Variants in SDK1 observed in about 807,000 individuals in gnomAD.
SDK1 encodes the protein protein sidekick-1.
Under a neutral mutation model 245.5 loss-of-function variants are expected in SDK1, and 157 were observed. That is an observed-to-expected ratio of 0.64 (90% CI 0.56 to 0.73). SDK1 has a LOEUF of 0.73. Ranked by LOEUF, SDK1 falls within the 30% of genes least tolerant of loss-of-function variation. The probability of loss-of-function intolerance (pLI) is 0.00; values close to 1 mark genes in which losing one functional copy is unlikely to be tolerated. For synonymous variants in SDK1, 1,647 were observed against 1,278.5 expected, an observed-to-expected ratio of 1.29 and a Z score of -6.15; for missense variants, 3,583 against 3,002.3, an observed-to-expected ratio of 1.19 and a Z score of -4.52.
intron 28 of SDK1, among the ~76,000 whole-genome samples, chr7:4,145,393 G>A (rs925286892): frequency 2.6e-5 from 4 of 152,146 alleles, no homozygotes; most frequent in African/African-American, 9.7e-5. Context: ...GGCAGAGACT[G>A]AGAAGCCACA....
chr7:4,161,099 C>A (rs1003418601), intron 31 of SDK1, among the ~76,000 whole-genome samples: 76 of 152,062 alleles, frequency 5.0e-4, no homozygotes, highest in African/African-American at 1.7e-3. Flanking sequence ...CAAGACAGGA[C>A]CACACAGATT....
At chr7:3,304,466 C>T (rs1030295934) in intron 1 of SDK1, among the ~76,000 whole-genome samples, 1 of 152,202 alleles carries the variant, frequency 6.6e-6, no homozygotes, top group Non-Finnish European at 1.5e-5. Flanking sequence ...CTGATTCTGG[C>T]AGTGTTCAGT....
intron 5 of SDK1, among the ~76,000 whole-genome samples, chr7:3,897,082 G>A (rs1002523880): frequency 9.2e-5 from 14 of 152,124 alleles, no homozygotes; most frequent in African/African-American, 3.1e-4. Context: ...CATGAAAGCA[G>A]CAAGAGGGAA....
intron 22 of SDK1, among the ~76,000 whole-genome samples, chr7:4,083,561 CCTTCCTTTTTG>C (rs1781208233): frequency 8.4e-6 from 1 of 119,390 alleles, no homozygotes; most frequent in Non-Finnish European, 1.7e-5. Flanking sequence ...TCCCTCCCTT[CCTTCCTTTTTG>C]CCTCCCTCCT....
chr7:3,540,284 G>T (rs556532342), intron 1 of SDK1, among the ~76,000 whole-genome samples: 1 of 152,238 alleles, frequency 6.6e-6, no homozygotes, highest in Non-Finnish European at 1.5e-5. Context: ...GCAGTCGCCT[G>T]TAATCTCAGC....
intron 44 of SDK1, among the ~76,000 whole-genome samples, chr7:4,252,381 A>G (rs1204113475): frequency 6.6e-6 from 1 of 152,162 alleles, no homozygotes; most frequent in Non-Finnish European, 1.5e-5. Context: ...TACAAAGGAC[A>G]TGAATTCATC....
intron 14 of SDK1, among the ~76,000 whole-genome samples, chr7:4,005,288 A>C (rs1267124241): frequency 6.6e-6 from 1 of 151,370 alleles, no homozygotes; most frequent in Non-Finnish European, 1.5e-5. Flanking sequence ...GTCGTGATCC[A>C]CCTGCCTCGG....
Position 4,209,902 on chromosome 7 carries a change from A to G in SDK1, c.5402-123A>G, listed in dbSNP as rs181694921. ...AATCTTTTCATTTTATGACATTCAG[A>G]CTTTTACTGAGTTGAAAATAACATC... On this transcript the variant is annotated intron_variant, in intron 37 of 44. Coordinates refer to ENST00000404826, the MANE Select transcript of SDK1 (RefSeq NM_152744.4). The G allele has an allele frequency of 3.2e-6, 3 of 937,240 alleles. No individual in the cohort carries two copies. The East Asian group carries it at 8.5e-5, about 26-fold the overall frequency. The allele number at this position is 937,240 out of a possible 1,614,324, so 58.1% of individuals were successfully genotyped here.
At chr7:4,042,522 T>C (rs1009228343) in intron 17 of SDK1, among the ~76,000 whole-genome samples, 6 of 136,102 alleles carry the variant, frequency 4.4e-5, no homozygotes, top group Admixed American at 2.1e-4. Flanking sequence ...TGAAAAGATA[T>C]TTGTCTGCTC....
rs533054942 is a variant in SDK1, at chr7:3,394,136, A to G, written c.298+92252A>G. On this transcript the variant is annotated intron_variant, in intron 1 of 44. Coordinates refer to ENST00000404826, the MANE Select transcript of SDK1 (RefSeq NM_152744.4). ...CCAGAAGAACTCTCTGGATTACCAG[A>G]CAGAGATATTGTTCTCCTCCTTTTC... Among the ~76,000 whole-genome samples the G allele has an allele frequency of 7.2e-5, 11 of 151,836 alleles. 1 individual carries two copies. Among genetic ancestry groups the G allele is most frequent in the African/African-American group, 2.6e-4 (11 of 41,542 alleles).
intron 1 of SDK1, among the ~76,000 whole-genome samples, chr7:3,462,519 T>A (rs1000763587): frequency 1.1e-4 from 17 of 152,206 alleles, no homozygotes; most frequent in Non-Finnish European, 2.9e-5. Flanking sequence ...TTCAAAAATT[T>A]ATCTGAGCTC....
At chr7:3,792,681 C>T (rs577968248) in intron 4 of SDK1, among the ~76,000 whole-genome samples, 3 of 144,728 alleles carry the variant, frequency 2.1e-5, no homozygotes, top group African/African-American at 8.1e-5. Context: ...ACCCCCTCCT[C>T]CTGCAGTCTC....
At chr7:3,361,469 G>T (rs747164670) in intron 1 of SDK1, among the ~76,000 whole-genome samples, 9 of 152,048 alleles carry the variant, frequency 5.9e-5, no homozygotes, top group Admixed American at 1.3e-4. Context: ...CAGCATCTCT[G>T]CCTGCCTTGG....
rs893850659 is a variant in SDK1 at position 3,930,212 on chromosome 7, G to A, written c.848-20711G>A. Among the ~76,000 whole-genome samples the A allele has an allele frequency of 4.6e-5, 7 of 152,306 alleles. No individual in the cohort carries two copies. In the East Asian group the frequency reaches 1.4e-3, roughly 29 times the overall value. On this transcript the variant is annotated intron_variant, in intron 5 of 44. Transcript: ENST00000404826. Reference sequence around the variant, plus strand: ...CTAGGAGAGGTCTGTGGTGCTGGTTGTTGCTCCACTTTCAGGAACAAGGAG... The same window carrying A: ...CTAGGAGAGGTCTGTGGTGCTGGTTATTGCTCCACTTTCAGGAACAAGGAG...
Position 3,349,891 on chromosome 7 carries a change from C to T in SDK1, c.298+48007C>T, listed in dbSNP as rs535626645. Among the ~76,000 whole-genome samples the T allele has an allele frequency of 7.8e-4, 119 of 152,296 alleles. 1 individual carries two copies. The highest frequency in any genetic ancestry group is 3.4e-3 in the Middle Eastern group (1 of 294). On this transcript the variant is annotated intron_variant, in intron 1 of 44. Coordinates refer to ENST00000404826, the MANE Select transcript of SDK1 (RefSeq NM_152744.4). ...TGCTGGGATTACAGGCATGAGCCAC[C>T]GTGCCCGGCCTAAGAGTACATGTAT...
intron 28 of SDK1, among the ~76,000 whole-genome samples, chr7:4,140,001 G>A (rs1003381835): frequency 6.6e-6 from 1 of 152,012 alleles, no homozygotes; most frequent in African/African-American, 2.4e-5. Flanking sequence ...TGCACCTCTG[G>A]GCCAGCTCTG....
chr7:3,535,370 A>G (rs977569827), intron 1 of SDK1, among the ~76,000 whole-genome samples: 3 of 152,212 alleles, frequency 2.0e-5, no homozygotes, highest in Non-Finnish European at 2.9e-5. Context: ...TTCTAATTAC[A>G]TGCATTAATG....
At chr7:3,897,525 G>C (rs1393878086) in intron 5 of SDK1, among the ~76,000 whole-genome samples, 3 of 152,074 alleles carry the variant, frequency 2.0e-5, no homozygotes, top group Non-Finnish European at 4.4e-5. Flanking sequence ...AGTATGTGTT[G>C]GAATTTCCTT....
At chr7:3,444,552 A>T (rs1003447852) in intron 1 of SDK1, among the ~76,000 whole-genome samples, 1 of 152,114 alleles carries the variant, frequency 6.6e-6, no homozygotes, top group Non-Finnish European at 1.5e-5. Context: ...GTTTTTCAAA[A>T]TTCTGTTTAA....
Sources: allele counts gnomAD v4.1 joint callset (sites outside exome capture counted in the v4.1 genomes callset), GRCh38; gene constraint gnomAD v4.1.1; transcripts MANE v1.5; gene names NCBI Gene and HGNC (gene_info 2026-07-23, HGNC 2026-07-21).